The following CACYBP variants were observed in gnomAD, a reference collection of about 807,000 sequenced individuals.
CACYBP encodes calcyclin binding protein.
CACYBP carries 11 observed loss-of-function variants against 29.6 expected under a neutral mutation model. The ratio of observed to expected loss-of-function variants is 0.37; its 90% CI spans 0.23 to 0.61. The LOEUF (loss-of-function observed/expected upper bound fraction) is 0.61. Ranked by LOEUF, CACYBP falls within the 20% of genes least tolerant of loss-of-function variation. The pLI, the probability that CACYBP is intolerant of heterozygous loss-of-function variation, is 0.65. For synonymous variants in CACYBP, 73 were observed against 88.3 expected (o/e 0.83, Z 0.97); for missense variants, 163 against 260.7 (o/e 0.63, Z 2.58).
At chr1:175,003,358 A>G (rs543600154) in intron 1 of CACYBP, among the ~76,000 whole-genome samples, 1 of 152,284 alleles carries the variant, frequency 6.6e-6, no homozygotes, top group African/African-American at 2.4e-5. Context: ...ACCTCAAGTG[A>G]TCCACCCGCT....
At chr1:175,004,593 T>G in intron 1 of CACYBP, 21 bp from the exon 2 acceptor site, 1 of 1,482,622 alleles carries the variant, frequency 6.7e-7, no homozygotes, top group Non-Finnish European at 9.2e-7. Flanking sequence ...CATAGCTAAC[T>G]TATTTTTTGT....
Position 175,007,112 on chromosome 1 carries a change from T to C in CACYBP, c.347T>C (p.Leu116Ser). 3.7e-6 allele frequency: 6 copies of C among 1,603,244 alleles called. No individual in the cohort carries two copies. Among genetic ancestry groups the C allele is most frequent in the African/African-American group, 1.3e-5 (1 of 74,784 alleles). The change falls in exon 4 of 6, where the codon TTG becomes TCG. Residue 116 changes from leucine to serine, a missense_variant. Leu to Ser is a moderately radical substitution (Grantham distance 145). Coordinates refer to ENST00000367679, the MANE Select transcript of CACYBP (RefSeq NM_014412.3). ...VHFTERSFDL[L>S]VKNLNGKSYS... Reference sequence around the variant, plus strand: ...TTGTGTTGCAGGTCATTTGATCTTTTGGTAAAGAATCTAAATGGGAAGAGT... The same window carrying C: ...TTGTGTTGCAGGTCATTTGATCTTTCGGTAAAGAATCTAAATGGGAAGAGT...
chr1:175,003,280 G>A (rs963855679), intron 1 of CACYBP, among the ~76,000 whole-genome samples: 3 of 152,104 alleles, frequency 2.0e-5, no homozygotes, highest in Middle Eastern at 3.4e-3. Context: ...CACCACACCC[G>A]GCAAATTTTT....
Position 175,000,482 on chromosome 1 carries a change from T to A in CACYBP, c.15+287T>A. 3 of 1,338,630 alleles carry A rather than the reference T, an allele frequency of 2.2e-6. No homozygotes were observed. The South Asian group carries it at 5.1e-5, about 23-fold the overall frequency. The allele number at this position is 1,338,630 out of a possible 1,614,324, so 82.9% of individuals were successfully genotyped here. ...GGAGTGGGTCTGGGAGAGCGGCCCT[T>A]TGCGCGTGTTCCTCAGGCCCTTTCT... is the stretch of plus-strand genomic sequence containing the variant. On this transcript the variant is annotated intron_variant, in intron 1 of 5. Coordinates refer to ENST00000367679, the MANE Select transcript of CACYBP (RefSeq NM_014412.3).
At chr1:175,009,888 GT>G in intron 5 of CACYBP, 34 bp from the exon 6 acceptor site, 1 of 1,561,840 alleles carries the variant, frequency 6.4e-7, no homozygotes, top group Non-Finnish European at 8.7e-7. Flanking sequence ...CGGTGCTTTC[GT>G]TTCCCCATTG....
chr1:175,000,284 C>G, intron 1 of CACYBP, 89 bp downstream of exon 1: 1 of 1,534,234 alleles, frequency 6.5e-7, no homozygotes, highest in Non-Finnish European at 8.8e-7. Context: ...GTGGGCTGAG[C>G]CGCCCTGCGG....
At chr1:175,008,563 T>G (rs1281516034) in intron 4 of CACYBP, 46 bp from the exon 5 acceptor site, 7 of 855,268 alleles carry the variant, frequency 8.2e-6, no homozygotes, top group African/African-American at 1.7e-5. Context: ...TTCATGCTTA[T>G]CTCCATGTCT....
rs1427596632 is a variant in CACYBP, at chr1:175,000,114, G to C, written c.-67G>C. ...GCGTCTGCGCTCGGTTTGAGGGCTC[G>C]GCGCGGGGTTTCCTGTTCCTCCTTC... On this transcript the variant is annotated 5_prime_UTR_variant, in exon 1 of 6. Coordinates refer to ENST00000367679, the MANE Select transcript of CACYBP (RefSeq NM_014412.3). The C allele has an allele frequency of 3.2e-6, 5 of 1,562,924 alleles. No homozygotes were observed. Among genetic ancestry groups the C allele is most frequent in the Non-Finnish European group, 4.3e-6 (5 of 1,152,782 alleles).
chr1:175,006,672 G>T, intron 2 of CACYBP, 73 bp from the exon 3 acceptor site: 1 of 741,352 alleles, frequency 1.3e-6, no homozygotes, highest in Non-Finnish European at 2.4e-6. Flanking sequence ...TGACTTATGA[G>T]CCATGTGCAT....
chr1:175,001,614 G>T (rs1672490323), intron 1 of CACYBP, among the ~76,000 whole-genome samples: 1 of 152,154 alleles, frequency 6.6e-6, no homozygotes, highest in Non-Finnish European at 1.5e-5. Flanking sequence ...CTTCAACTTA[G>T]CACTAACATT....
At chr1:175,000,604 G>A in intron 1 of CACYBP, 1 of 1,093,882 alleles carries the variant, frequency 9.1e-7, no homozygotes, top group Non-Finnish European at 1.1e-6. Context: ...TGGAAGGTGA[G>A]TTCTCAGTGC....
upstream of CACYBP, chr1:174,999,594 C>T (rs1285482224): frequency 5.6e-6 from 1 of 177,916 alleles, no homozygotes; most frequent in Non-Finnish European, 1.2e-5. Flanking sequence ...GAGAGACTAA[C>T]CTTACACAAC....
chr1:175,000,075 A>G lies in CACYBP; in HGVS notation c.-106A>G, dbSNP rs1182513264. 1.4e-6 allele frequency: 2 copies of G among 1,455,420 alleles called. No homozygotes were observed. The highest frequency in any genetic ancestry group is 2.8e-5 in the African/African-American group (2 of 70,344). 90.2% of individuals were successfully genotyped at this position (1,455,420 alleles called of 1,614,324 possible). ...TGTGGGCGCAGGCTGCAGCGCCGCG[A>G]CTCGTGCGGGTAGGCGTCTGCGCTC... is the stretch of plus-strand genomic sequence containing the variant. On this transcript the variant is annotated 5_prime_UTR_variant, in exon 1 of 6. Coordinates refer to ENST00000367679, the MANE Select transcript of CACYBP (RefSeq NM_014412.3).
At chr1:175,009,016 G>A (rs1223881525) in intron 5 of CACYBP, 5 of 223,314 alleles carry the variant, frequency 2.2e-5, no homozygotes, top group South Asian at 1.1e-4. Context: ...CTTCTGATGC[G>A]TAGTTTTCAT....
In CACYBP at chr1:175,010,773, G is replaced by A. The variant is rs1202515586; in HGVS notation, c.*694G>A. Reference sequence around the variant, plus strand: ...AATTTGAAAGCCCGTCTATTCCTATGCTCAATAAAGTTAAGTTTTTCTTCA... The same window carrying A: ...AATTTGAAAGCCCGTCTATTCCTATACTCAATAAAGTTAAGTTTTTCTTCA... On this transcript the variant is annotated 3_prime_UTR_variant, in exon 6 of 6. Transcript: ENST00000367679. 1.3e-5 allele frequency: 2 copies of A among 152,138 alleles called. No homozygotes were observed. The highest frequency in any genetic ancestry group is 2.9e-5 in the Non-Finnish European group (2 of 68,024). The allele number at this position is 152,138 out of a possible 1,614,324, so 9.4% of individuals were successfully genotyped here.
intron 5 of CACYBP, chr1:175,008,992 A>T: frequency 3.7e-6 from 1 of 268,578 alleles, no homozygotes; most frequent in Non-Finnish European, 7.0e-6. Context: ...TGTATGTTTT[A>T]AATTTCTCAG....
intron 5 of CACYBP, 140 bp from the exon 6 acceptor site, chr1:175,009,783 G>A (rs750481683): frequency 1.9e-5 from 11 of 586,420 alleles, no homozygotes; most frequent in Admixed American, 9.9e-5. Context: ...GAATTTGTGC[G>A]TGCCGTTTTG....
At position 175,011,981 on chromosome 1, in the gene CACYBP, G is replaced by GTAAC. The variant is rs1255691216; in HGVS notation, c.*1904_*1907dup. ...TAGCTGGGCATGGTGGCAGATGCCT[G>GTAAC]TAACTCCAGCTACTCGGGAGACTGA... On this transcript the variant is annotated 3_prime_UTR_variant, in exon 6 of 6. Transcript: ENST00000367679. Among the ~76,000 whole-genome samples, 2 of 152,170 alleles carry GTAAC rather than the reference G, an allele frequency of 1.3e-5. No individual in the cohort carries two copies. The highest frequency in any genetic ancestry group is 6.5e-5 in the Admixed American group (1 of 15,278).
At chr1:175,004,261 G>A (rs1306809928) in intron 1 of CACYBP, among the ~76,000 whole-genome samples, 2 of 152,142 alleles carry the variant, frequency 1.3e-5, no homozygotes, top group African/African-American at 4.8e-5. Context: ...CGGATTAGAT[G>A]TTACAAGGAA....
Sources: gnomAD v4.1 joint callset for allele counts (sites outside exome capture counted in the v4.1 genomes callset) on GRCh38, gnomAD v4.1.1 for gene constraint, MANE v1.5 for transcripts, NCBI Gene and HGNC (gene_info 2026-07-23, HGNC 2026-07-21) for gene names.